FOXO3: variants seen among roughly 807,000 people sequenced by gnomAD.
FOXO3 encodes the protein forkhead box O3, also known as forkhead box protein O3.
Under a neutral mutation model 41.9 loss-of-function variants are expected in FOXO3, and 4 were observed. The observed-to-expected ratio is 0.10, with a 90% CI of 0.05 to 0.22. The LOEUF is 0.22. Among genes scored for constraint, FOXO3 ranks in the 10% least tolerant of loss-of-function variants. FOXO3 has a pLI of 1.00. For synonymous variants in FOXO3, 318 were observed against 389.3 expected, an observed-to-expected ratio of 0.82 and a Z score of 2.16; for missense variants, 534 against 906.8, an observed-to-expected ratio of 0.59 and a Z score of 5.28.
In FOXO3 at chr6:108,598,442, C is replaced by G. The variant is rs532259434; in HGVS notation, c.621+36613C>G. On this transcript the variant is annotated intron_variant, in intron 1 of 2. Transcript: ENST00000406360. ...TGCTGAGTGATAAACTGAACTGAGG[C>G]AACCACAAGCAGGATACATAAAAAA... Among the ~76,000 whole-genome samples, 3 of 152,222 alleles carry G rather than the reference C, an allele frequency of 2.0e-5. No homozygotes were observed. The South Asian group carries it at 6.2e-4, about 32-fold the overall frequency.
chr6:108,588,250 A>G (rs954353571), intron 1 of FOXO3, among the ~76,000 whole-genome samples: 4 of 151,958 alleles, frequency 2.6e-5, no homozygotes, highest in African/African-American at 2.4e-5. Context: ...GAAAAATTCA[A>G]TTTTTGTTTT....
At chr6:108,567,030 A>G (rs1775964519) in intron 1 of FOXO3, among the ~76,000 whole-genome samples, 1 of 152,262 alleles carries the variant, frequency 6.6e-6, no homozygotes, top group South Asian at 2.1e-4. Context: ...GAAGGCAGAT[A>G]AAGTTCCAGT....
intron 1 of FOXO3, among the ~76,000 whole-genome samples, chr6:108,602,990 A>G (rs917595534): frequency 2.6e-5 from 4 of 152,130 alleles, no homozygotes; most frequent in Admixed American, 6.5e-5. Context: ...AAAATATACT[A>G]TATTTTCTGA....
chr6:108,605,575 C>G (rs999115657), intron 1 of FOXO3, among the ~76,000 whole-genome samples: 4 of 152,138 alleles, frequency 2.6e-5, no homozygotes, highest in Non-Finnish European at 5.9e-5. Context: ...AGGCCTAGAT[C>G]AATTAAAAGC....
intron 1 of FOXO3, among the ~76,000 whole-genome samples, chr6:108,650,190 G>A (rs1367162682): frequency 1.3e-5 from 2 of 152,118 alleles, no homozygotes; most frequent in African/African-American, 4.8e-5. Context: ...GCATCCTCAG[G>A]AATGCCCTTA....
chr6:108,583,160 A>G (rs1199144955), intron 1 of FOXO3, among the ~76,000 whole-genome samples: 2 of 152,194 alleles, frequency 1.3e-5, no homozygotes, highest in Non-Finnish European at 2.9e-5. Flanking sequence ...TCTCATGAAC[A>G]TATGTAATGT....
At chr6:108,575,378 TAAAA>T (rs576004258) in intron 1 of FOXO3, among the ~76,000 whole-genome samples, 2 of 121,260 alleles carry the variant, frequency 1.6e-5, no homozygotes, top group African/African-American at 3.1e-5. Context: ...ACTTAATACC[TAAAA>T]AAAAAAAAAA....
At chr6:108,642,012 G>A (rs918266977) in intron 1 of FOXO3, among the ~76,000 whole-genome samples, 1 of 151,650 alleles carries the variant, frequency 6.6e-6, no homozygotes, top group Non-Finnish European at 1.5e-5. Context: ...GAAGCACAAA[G>A]CATTAATTCA....
chr6:108,578,826 G>A (rs1776329619), intron 1 of FOXO3, among the ~76,000 whole-genome samples: 2 of 152,118 alleles, frequency 1.3e-5, no homozygotes, highest in African/African-American at 2.4e-5. Context: ...AGAGTGACAC[G>A]GCTCTCGTGA....
chr6:108,593,163 G>C (rs893057602), intron 1 of FOXO3, among the ~76,000 whole-genome samples: 1 of 152,130 alleles, frequency 6.6e-6, no homozygotes, highest in African/African-American at 2.4e-5. Context: ...TTCTTAGAAG[G>C]GAGGATTACA....
At chr6:108,560,897 T>G, upstream of FOXO3, 2 of 1,130,190 alleles carry the variant, frequency 1.8e-6, no homozygotes, top group Non-Finnish European at 2.3e-6. Context: ...CGCGGCTCCA[T>G]CGCGGCCTGG....
intron 1 of FOXO3, among the ~76,000 whole-genome samples, chr6:108,574,409 G>T (rs566593228): frequency 6.6e-6 from 1 of 152,092 alleles, no homozygotes; most frequent in East Asian, 1.9e-4. Context: ...GGGACAGTAG[G>T]ATATCTGTGC....
intron 1 of FOXO3, among the ~76,000 whole-genome samples, chr6:108,660,083 G>A (rs543880573): frequency 6.6e-6 from 1 of 152,324 alleles, no homozygotes; most frequent in African/African-American, 2.4e-5. Flanking sequence ...GCTGGACAGA[G>A]TGGGAGTACT....
chr6:108,639,241 C>T (rs1041336459), intron 1 of FOXO3, among the ~76,000 whole-genome samples: 1 of 152,170 alleles, frequency 6.6e-6, no homozygotes, highest in African/African-American at 2.4e-5. Flanking sequence ...GAGGCTAAAT[C>T]CTGCTTCCTT....
At chr6:108,601,221 C>T (rs762878094) in intron 1 of FOXO3, among the ~76,000 whole-genome samples, 1 of 151,296 alleles carries the variant, frequency 6.6e-6, no homozygotes, top group Non-Finnish European at 1.5e-5. Context: ...ACTGTGTTAG[C>T]CGGGATGGTC....
At chr6:108,634,400 A>C (rs1320895661) in intron 1 of FOXO3, among the ~76,000 whole-genome samples, 3 of 152,130 alleles carry the variant, frequency 2.0e-5, no homozygotes, top group Non-Finnish European at 4.4e-5. Context: ...AGGGTCAGGG[A>C]TGATGACCCC....
intron 1 of FOXO3, among the ~76,000 whole-genome samples, chr6:108,636,863 C>G (rs746164358): frequency 3.3e-5 from 5 of 152,306 alleles, no homozygotes; most frequent in Middle Eastern, 6.8e-3. Context: ...TGAGAGGTTA[C>G]AGGACCCTGG....
intron 1 of FOXO3, among the ~76,000 whole-genome samples, chr6:108,626,640 A>C (rs1359859341): frequency 6.6e-6 from 1 of 151,592 alleles, no homozygotes; most frequent in African/African-American, 2.4e-5. Context: ...GTTTAAGCCC[A>C]TACCCATTCT....
rs1283082348 is a variant in FOXO3, at chr6:108,649,010, A to T, written c.622-14445A>T. 6.6e-4 allele frequency among the ~76,000 whole-genome samples: 12 copies of T among 18,164 alleles called. No homozygotes were observed. The East Asian group carries it at 0.036, about 54-fold the overall frequency. 11.9% of individuals were successfully genotyped at this position (18,164 alleles called of 152,430 possible). On this transcript the variant is annotated intron_variant, in intron 1 of 2. Coordinates refer to ENST00000406360, the MANE Select transcript of FOXO3 (RefSeq NM_001455.4). Reference sequence around the variant, plus strand: ...TAACAGAGTGGGAACCTATCTCTTAAAAAAAAAAAAAAAAAAAAAAAAAGG... The same window carrying T: ...TAACAGAGTGGGAACCTATCTCTTATAAAAAAAAAAAAAAAAAAAAAAAGG...
Sources: allele counts gnomAD v4.1 joint callset (sites outside exome capture counted in the v4.1 genomes callset), GRCh38; gene constraint gnomAD v4.1.1; transcripts MANE v1.5; gene names NCBI Gene and HGNC (gene_info 2026-07-23, HGNC 2026-07-21).